The following CLYBL variants were observed in gnomAD, a reference collection of about 807,000 sequenced individuals.
CLYBL encodes the protein citramalyl-CoA lyase, mitochondrial.
CLYBL carries 31 observed loss-of-function variants against 38.9 expected under a neutral mutation model. The observed-to-expected ratio is 0.80, with a 90% CI of 0.60 to 1.08. The LOEUF (loss-of-function observed/expected upper bound fraction) is 1.08, where lower values mean the gene tolerates loss of function less well. CLYBL is among the 50% of genes least tolerant of loss of function. CLYBL has a pLI of 0.00. For synonymous variants in CLYBL, 171 were observed against 158.6 expected (o/e 1.08, Z -0.59); for missense variants, 434 against 411.6 (o/e 1.05, Z -0.47).
intron 1 of CLYBL, among the ~76,000 whole-genome samples, chr13:99,684,186 ATTTTTTT>A (rs965852345): frequency 9.3e-6 from 1 of 108,028 alleles, no homozygotes; most frequent in Admixed American, 9.3e-5. Flanking sequence ...GGCATGTTTG[ATTTTTTT>A]TTTTTTTTTT....
chr13:99,794,998 A>G (rs1008995221), intron 2 of CLYBL, among the ~76,000 whole-genome samples: 6 of 152,160 alleles, frequency 3.9e-5, no homozygotes, highest in Non-Finnish European at 7.3e-5. Context: ...TTTGCCATGT[A>G]TTTTTAAATA....
At chr13:99,729,317 C>T (rs1031483168) in intron 1 of CLYBL, among the ~76,000 whole-genome samples, 3 of 152,228 alleles carry the variant, frequency 2.0e-5, no homozygotes, top group African/African-American at 7.2e-5. Context: ...AAAGGCCCTC[C>T]AAACCTTCCT....
intron 1 of CLYBL, among the ~76,000 whole-genome samples, chr13:99,718,360 T>C (rs1040201951): frequency 8.2e-5 from 12 of 146,470 alleles, no homozygotes; most frequent in Non-Finnish European, 1.8e-4. Context: ...CCTCCCCTGA[T>C]AGATTAAAAA....
At chr13:99,703,852 C>G (rs1306438072) in intron 1 of CLYBL, among the ~76,000 whole-genome samples, 1 of 152,136 alleles carries the variant, frequency 6.6e-6, no homozygotes, top group Non-Finnish European at 1.5e-5. Flanking sequence ...GAAGCTCCTA[C>G]TTTTATGTCA....
At chr13:99,708,872 A>G (rs1322255797) in intron 1 of CLYBL, among the ~76,000 whole-genome samples, 2 of 152,114 alleles carry the variant, frequency 1.3e-5, no homozygotes, top group East Asian at 1.9e-4. Context: ...AGGTGGGCGG[A>G]TGATGAGGGC....
At chr13:99,780,760 C>G (rs2049629014) in intron 2 of CLYBL, among the ~76,000 whole-genome samples, 1 of 143,700 alleles carries the variant, frequency 7.0e-6, no homozygotes. Flanking sequence ...GTTGCACAGG[C>G]TGTAGTGCAA....
At chr13:99,794,125 C>G (rs577571360) in intron 2 of CLYBL, among the ~76,000 whole-genome samples, 1 of 152,264 alleles carries the variant, frequency 6.6e-6, no homozygotes, top group Admixed American at 6.5e-5. Flanking sequence ...CTGTGACTAA[C>G]GAATCAAATA....
At chr13:99,798,537 GA>G (rs2050067462) in intron 2 of CLYBL, among the ~76,000 whole-genome samples, 1 of 152,192 alleles carries the variant, frequency 6.6e-6, no homozygotes, top group South Asian at 2.1e-4. Context: ...ATTTTCCAGT[GA>G]AAGAAATGAA....
At position 99,865,817 on chromosome 13, in the gene CLYBL, C is replaced by T. The variant is rs761456322; in HGVS notation, c.635-423C>T. Among the ~76,000 whole-genome samples, 2 of 152,170 alleles carry T rather than the reference C, an allele frequency of 1.3e-5. No individual in the cohort carries two copies. Among genetic ancestry groups the T allele is most frequent in the Admixed American group, 6.5e-5 (1 of 15,282 alleles). Reference sequence around the variant, plus strand: ...AGAACTTCAGTTTGGACAGGGCAATCGCAGCACACACAGTTCTGTGCTTGC... The same window carrying T: ...AGAACTTCAGTTTGGACAGGGCAATTGCAGCACACACAGTTCTGTGCTTGC... On this transcript the variant is annotated intron_variant, in intron 5 of 8. Coordinates refer to ENST00000339105, the MANE Select transcript of CLYBL (RefSeq NM_206808.5). This position sits in a 1 kb window ranked among gnomAD's most constrained non-coding sequence, Gnocchi z 4.7.
chr13:99,893,319 A>G (rs541560495), downstream of CLYBL: 4 of 152,628 alleles, frequency 2.6e-5, no homozygotes, highest in Admixed American at 6.5e-5. Flanking sequence ...AGGACCCACC[A>G]AGGATGGGAC....
rs564657293 is a variant in CLYBL at position 99,807,656 on chromosome 13, C to T, written c.249+34646C>T. On this transcript the variant is annotated intron_variant, in intron 2 of 8. Transcript: ENST00000339105. ...AAGGAGAAAGACAGTTTCCAGGGGC[C>T]GGGGGGGAAGGAGGAACGGGGAGTG... Among the ~76,000 whole-genome samples, 259 of 147,916 alleles carry T rather than the reference C, an allele frequency of 1.8e-3. 1 individual carries two copies. Among genetic ancestry groups the T allele is most frequent in the African/African-American group, 5.8e-3 (232 of 39,890 alleles).
intron 2 of CLYBL, among the ~76,000 whole-genome samples, chr13:99,801,130 C>G (rs1005133597): frequency 6.6e-6 from 1 of 152,264 alleles, no homozygotes; most frequent in Middle Eastern, 3.4e-3. Flanking sequence ...CTCTTGGCAA[C>G]TGTCACCAGG....
At chr13:99,881,579 C>T (rs1007663926) in intron 7 of CLYBL, among the ~76,000 whole-genome samples, 1 of 151,508 alleles carries the variant, frequency 6.6e-6, no homozygotes, top group African/African-American at 2.4e-5. Context: ...CGTGTCACCA[C>T]ATCCAGTTAA....
intron 7 of CLYBL, among the ~76,000 whole-genome samples, chr13:99,872,048 G>C (rs2051917894): frequency 1.3e-5 from 2 of 150,942 alleles, no homozygotes; most frequent in Admixed American, 6.6e-5. Flanking sequence ...CTGAACCTGT[G>C]ACATCCATGT....
chr13:99,701,096 T>G (rs548062617), intron 1 of CLYBL, among the ~76,000 whole-genome samples: 70 of 152,254 alleles, frequency 4.6e-4, no homozygotes, highest in Non-Finnish European at 9.3e-4. Flanking sequence ...TTAGAGATGT[T>G]GCAGTGACAG....
At chr13:99,767,817 T>G (rs574481253) in intron 1 of CLYBL, among the ~76,000 whole-genome samples, 3 of 152,360 alleles carry the variant, frequency 2.0e-5, no homozygotes, top group Admixed American at 6.5e-5. Context: ...TTCTATCTCT[T>G]TACTGGTATT....
At chr13:99,636,774 G>A (rs531932924) in intron 1 of CLYBL, among the ~76,000 whole-genome samples, 267 of 152,264 alleles carry the variant, frequency 1.8e-3, no homozygotes, top group African/African-American at 6.0e-3. Context: ...CGAGGGGTAA[G>A]TAGGAAAAAT....
chr13:99,820,203 C>T (rs2050560618), intron 2 of CLYBL, among the ~76,000 whole-genome samples: 1 of 152,130 alleles, frequency 6.6e-6, no homozygotes, highest in Non-Finnish European at 1.5e-5. Context: ...GGGCAGTTTG[C>T]CTTGTCAGGT....
At chr13:99,853,646 CTT>C (rs568712485) in intron 2 of CLYBL, among the ~76,000 whole-genome samples, 1 of 150,670 alleles carries the variant, frequency 6.6e-6, no homozygotes, top group African/African-American at 2.4e-5. Context: ...ATTCATTTGC[CTT>C]TTTTTTTCAG....
Sources: allele counts gnomAD v4.1 joint callset (sites outside exome capture counted in the v4.1 genomes callset), GRCh38; gene constraint gnomAD v4.1.1; non-coding constraint Gnocchi (gnomAD v3.1); transcripts MANE v1.5; gene names NCBI Gene and HGNC (gene_info 2026-07-23, HGNC 2026-07-21).